Variants in MEFV observed in about 807,000 individuals in gnomAD.
MEFV encodes the protein pyrin.
In MEFV, 60 loss-of-function variants were observed where a neutral mutation model predicts 62.5. The observed-to-expected ratio is 0.96, with a 90% CI of 0.78 to 1.19. The LOEUF is 1.19. Among genes scored for constraint, MEFV ranks in the 50% most tolerant of loss-of-function variants. MEFV has a pLI of 0.00. For synonymous variants in MEFV, 500 were observed against 415.2 expected (o/e 1.20, Z -2.48); for missense variants, 1,169 against 1,004.5 (o/e 1.16, Z -2.21).
At chr16:3,248,299 A>C (rs529930839) in intron 4 of MEFV, among the ~76,000 whole-genome samples, 7 of 150,130 alleles carry the variant, frequency 4.7e-5, no homozygotes, top group Non-Finnish European at 8.9e-5. Flanking sequence ...TATGAAGTTA[A>C]AAGTGTTCTT....
intron 5 of MEFV, among the ~76,000 whole-genome samples, 175 bp from the exon 6 acceptor site, chr16:3,246,722 G>T (rs998919446): frequency 6.6e-6 from 1 of 152,142 alleles, no homozygotes; most frequent in East Asian, 1.9e-4. Context: ...TTCTAACCAC[G>T]GGAATTCAGG....
intron 7 of MEFV, 49 bp downstream of exon 7, chr16:3,244,424 T>A (rs1478407434): frequency 6.3e-7 from 1 of 1,596,396 alleles, no homozygotes; most frequent in African/African-American, 1.3e-5. Flanking sequence ...ATGTGGATCT[T>A]AGGGAGGAAG....
chr16:3,243,888 C>A lies in MEFV; in HGVS notation c.1764G>T (p.Pro588=), dbSNP rs1231122. ...CATGTGCCTGAGCGCCAATCAGCTC[C>A]GGAACTACGGAGAAAAATCAGATAG... ...LRSEMEMFNV[P]ELIGAQAHAV... is the part of the protein sequence containing the mutation. Residue 588 remains proline, a synonymous_variant, in exon 9 of 10, where the codon CCG becomes CCT. Transcript: ENST00000219596. The A allele has an allele frequency of 4.3e-6, 7 of 1,613,388 alleles. No individual in the cohort carries two copies. In the East Asian group the frequency reaches 1.6e-4, roughly 36 times the overall value.
At position 3,249,445 on chromosome 16, in the gene MEFV, C is replaced by T. The variant is rs760804547; in HGVS notation, c.1246G>A (p.Ala416Thr). The change falls in exon 3 of 10, where the codon GCC becomes ACC. Residue 416 changes from alanine (A) to threonine (T), a missense_variant. By Grantham distance (58) the Ala-to-Thr change is moderately conservative. Transcript: ENST00000219596. ...GGAGTGCCTACCTTGTGTTCCAGGG[C>T]GACCTCCTCAATGGGGCGCACCCGG... ...GHRVRPIEEV[A>T]LEHKKKIQKQ... is the part of the protein sequence containing the mutation. The T allele has an allele frequency of 6.8e-6, 11 of 1,613,594 alleles. 1 individual carries two copies. The highest frequency in any genetic ancestry group is 6.6e-5 in the South Asian group (6 of 91,084).
intron 2 of MEFV, among the ~76,000 whole-genome samples, chr16:3,251,261 G>C (rs1255574567): frequency 2.6e-5 from 4 of 152,110 alleles, no homozygotes; most frequent in African/African-American, 9.7e-5. Flanking sequence ...CTCCTTTGCA[G>C]TTAGGTGTGG....
In MEFV at chr16:3,244,722, C is replaced by G. The variant is rs140984735; in HGVS notation, c.1611-134G>C. The G allele has an allele frequency of 2.0e-3, 1,481 of 745,282 alleles. 4 individuals are homozygous for G. The highest frequency in any genetic ancestry group is 0.015 in the African/African-American group (878 of 58,230). The allele number at this position is 745,282 out of a possible 1,614,324, so 46.2% of individuals were successfully genotyped here. A position where few individuals can be genotyped will look rare whatever the true frequency, so the allele number is the denominator to read the frequency against. ...TGAGCTACACAAAGAAAAGTCTTCCCTGGATTCAGAGGTCTAAATGCTGGT... is the reference window on the plus strand; with the variant it reads ...TGAGCTACACAAAGAAAAGTCTTCCGTGGATTCAGAGGTCTAAATGCTGGT... On this transcript the variant is annotated intron_variant, in intron 6 of 9. Coordinates refer to ENST00000219596, the MANE Select transcript of MEFV (RefSeq NM_000243.3).
Position 3,242,152 on chromosome 16 carries a change from CA to C in MEFV, c.*988del. On this transcript the variant is annotated 3_prime_UTR_variant, in exon 10 of 10. Transcript: ENST00000219596. ...CTGAGGTGGGTGCATCACCTGAGGTCAGGAGTTTGAGACCGGCCTGGCCAAC... is the reference window on the plus strand; with the variant it reads ...CTGAGGTGGGTGCATCACCTGAGGTCGGAGTTTGAGACCGGCCTGGCCAAC... The C allele has an allele frequency of 4.6e-6, 1 of 218,808 alleles. No individual in the cohort carries two copies. Among genetic ancestry groups the C allele is most frequent in the Non-Finnish European group, 9.9e-6 (1 of 101,386 alleles). 13.6% of individuals were successfully genotyped at this position (218,808 alleles called of 1,614,324 possible). A position where few individuals can be genotyped will look rare whatever the true frequency, so the allele number is the denominator to read the frequency against.
In MEFV at chr16:3,247,000, G is replaced by T; in HGVS notation, c.1587+16C>A. Reference sequence around the variant, plus strand: ...GGCACAGGGGACCCAAGAAAGCCGGGCCCAGGCACACCCACCTGCAGAAGT... The same window carrying T: ...GGCACAGGGGACCCAAGAAAGCCGGTCCCAGGCACACCCACCTGCAGAAGT... On this transcript the variant is annotated intron_variant, in intron 5 of 9. Transcript: ENST00000219596. 4 of 1,612,658 alleles carry T rather than the reference G, an allele frequency of 2.5e-6. No homozygotes were observed. The East Asian group carries it at 8.9e-5, about 36-fold the overall frequency.
At chr16:3,253,186 T>A (rs921628702) in intron 2 of MEFV, among the ~76,000 whole-genome samples, 8 of 152,024 alleles carry the variant, frequency 5.3e-5, no homozygotes, top group Admixed American at 6.6e-5. Context: ...GCAAAACCAG[T>A]GCAAACTGGA....
In MEFV at chr16:3,254,661, C is replaced by T. The variant is rs876660989; in HGVS notation, c.407G>A (p.Gly136Glu). ...GCACCGCAGGCTGGCAGCTCCGCCC[C>T]CGTACGGCCGAGGGCCGTTCCCCTC... The part of the protein sequence containing the change: ...GNEGNGPRPY[G>E]GGAASLRCSQ... The change falls in exon 2 of 10, where the codon GGG (glycine) becomes GAG (glutamate). Residue 136 changes from glycine to glutamate, a missense_variant. Transcript: ENST00000219596. 4.6e-5 allele frequency: 74 copies of T among 1,610,872 alleles called. No individual in the cohort carries two copies. Among genetic ancestry groups the T allele is most frequent in the Non-Finnish European group, 6.0e-5 (71 of 1,179,368 alleles).
chr16:3,244,767 C>T (rs2141666672), intron 6 of MEFV, among the ~76,000 whole-genome samples, 179 bp from the exon 7 acceptor site: 1 of 152,306 alleles, frequency 6.6e-6, no homozygotes, highest in South Asian at 2.1e-4. Flanking sequence ...TGGCCACAGA[C>T]TGTCATGTAC....
At chr16:3,255,252 G>T (rs1332546659) in intron 1 of MEFV, among the ~76,000 whole-genome samples, 10 of 152,144 alleles carry the variant, frequency 6.6e-5, no homozygotes, top group African/African-American at 2.4e-4. Context: ...GGGATGTGGA[G>T]GTTGCAGTGA....
chr16:3,249,239 C>T (rs1255020806), intron 3 of MEFV, among the ~76,000 whole-genome samples, 192 bp downstream of exon 3: 1 of 152,220 alleles, frequency 6.6e-6, no homozygotes, highest in Non-Finnish European at 1.5e-5. Flanking sequence ...AAGCCAGCTC[C>T]CCCTGGATCT....
chr16:3,254,677 C>G lies in MEFV; in HGVS notation c.391G>C (p.Gly131Arg), dbSNP rs1451069693. The change falls in exon 2 of 10, where the codon GGC (glycine) becomes CGC (arginine). Residue 131 changes from glycine to arginine, a missense_variant. Coordinates refer to ENST00000219596, the MANE Select transcript of MEFV (RefSeq NM_000243.3). ...PDHPEGNEGN[G>R]PRPYGGGAAS... is the part of the protein sequence containing the mutation. ...GCTCCGCCCCCGTACGGCCGAGGGC[C>G]GTTCCCCTCGTTCCCCTCGGGGTGG... 6.2e-7 allele frequency: 1 copy of G among 1,612,058 alleles called. No homozygotes were observed. The highest frequency in any genetic ancestry group is 1.7e-5 in the Admixed American group (1 of 60,020).
chr16:3,248,527 T>G (rs1596353956), intron 4 of MEFV: 1 of 268,848 alleles, frequency 3.7e-6, no homozygotes, highest in Non-Finnish European at 7.4e-6. Flanking sequence ...GAGGCAGAGG[T>G]TGCAGTGAGC....
rs1401203482 is a variant in MEFV, at chr16:3,242,961, C to T, written c.*180G>A. On this transcript the variant is annotated 3_prime_UTR_variant, in exon 10 of 10. Coordinates refer to ENST00000219596, the MANE Select transcript of MEFV (RefSeq NM_000243.3). Reference sequence around the variant, plus strand: ...CAGTACATGTCTTCACCCGGATTGACTAACATGTTCGTTCCTAACTTACCT... The same window carrying T: ...CAGTACATGTCTTCACCCGGATTGATTAACATGTTCGTTCCTAACTTACCT... 2.9e-6 allele frequency: 2 copies of T among 681,900 alleles called. No individual in the cohort carries two copies. The highest frequency in any genetic ancestry group is 3.5e-5 in the African/African-American group (2 of 56,588). The allele number at this position is 681,900 out of a possible 1,614,324, so 42.2% of individuals were successfully genotyped here.
chr16:3,244,751 C>T (rs1352071351), intron 6 of MEFV, among the ~76,000 whole-genome samples, 163 bp from the exon 7 acceptor site: 1 of 152,158 alleles, frequency 6.6e-6, no homozygotes, highest in Non-Finnish European at 1.5e-5. Flanking sequence ...TGCTGGTCCT[C>T]AACTTTGGCC....
chr16:3,243,499 G>A lies in MEFV; in HGVS notation c.1988C>T (p.Thr663Ile). The change falls in exon 10 of 10, where the codon ACA (threonine) becomes ATA (isoleucine). Residue 663 changes from threonine (T) to isoleucine (I), a missense_variant. Coordinates refer to ENST00000219596, the MANE Select transcript of MEFV (RefSeq NM_000243.3). Reference sequence around the variant, plus strand: ...CTTGCAGGCTCCCAGGATCCATGCTGTCTTGTCTCCAACCTCCACCTCCCA... The same window carrying A: ...CTTGCAGGCTCCCAGGATCCATGCTATCTTGTCTCCAACCTCCACCTCCCA... ...RYWEVEVGDKTAWILGACKTS... is the reference protein window; with the variant it reads ...RYWEVEVGDKIAWILGACKTS... The A allele has an allele frequency of 1.9e-6, 3 of 1,614,070 alleles. No homozygotes were observed. The highest frequency in any genetic ancestry group is 2.5e-6 in the Non-Finnish European group (3 of 1,180,030).
Position 3,244,344 on chromosome 16 carries a change from A to G in MEFV, c.1727-58T>C, listed in dbSNP as rs104895158. The G allele has an allele frequency of 6.2e-7, 1 of 1,612,030 alleles. No individual in the cohort carries two copies. The highest frequency in any genetic ancestry group is 8.5e-7 in the Non-Finnish European group (1 of 1,178,602). On this transcript the variant is annotated intron_variant, in intron 7 of 9. Transcript: ENST00000219596. ...GGAGTTAGGTCCCTCAGCCAGGGAC[A>G]GATGGAGGAGAGGTTGAAGGCAGGT...
Sources: gnomAD v4.1 joint callset for allele counts (sites outside exome capture counted in the v4.1 genomes callset) on GRCh38, gnomAD v4.1.1 for gene constraint, MANE v1.5 for transcripts, NCBI Gene and HGNC (gene_info 2026-07-23, HGNC 2026-07-21) for gene names.